The following RNF150 variants were observed in gnomAD, a reference collection of about 807,000 sequenced individuals.
RNF150 encodes ring finger protein 150.
In RNF150, 24 loss-of-function variants were observed where a neutral mutation model predicts 39.3. The observed-to-expected ratio is 0.61, with a 90% CI of 0.44 to 0.86. The LOEUF (loss-of-function observed/expected upper bound fraction) is 0.86. Among genes scored for constraint, RNF150 ranks in the 40% least tolerant of loss-of-function variants. RNF150 has a pLI of 0.00. For missense variants in RNF150, 502 were observed against 587.8 expected (o/e 0.85, Z 1.51); for synonymous variants, 255 against 227.3 (o/e 1.12, Z -1.10).
Position 140,925,635 on chromosome 4 carries a change from T to C in RNF150, c.987+342A>G, listed in dbSNP as rs187481549. Among the ~76,000 whole-genome samples, 130 of 152,254 alleles carry C rather than the reference T, an allele frequency of 8.5e-4. No individual in the cohort carries two copies. In the Middle Eastern group the frequency reaches 0.017, roughly 20 times the overall value. On this transcript the variant is annotated intron_variant, in intron 5 of 6. Transcript: ENST00000515673. ...GATGGCCAAACAAGGGTGATGATGA[T>C]GCAAGAGGTGCTCAGTGTGCAACTG...
At chr4:140,982,827 T>C (rs1733904183) in intron 1 of RNF150, among the ~76,000 whole-genome samples, 1 of 152,294 alleles carries the variant, frequency 6.6e-6, no homozygotes, top group South Asian at 2.1e-4. Flanking sequence ...CCAGCGGTGA[T>C]TCTGTCCTTG....
intron 1 of RNF150, among the ~76,000 whole-genome samples, chr4:141,169,443 GACAAAT>G (rs1315055435): frequency 6.6e-6 from 1 of 152,058 alleles, no homozygotes; most frequent in East Asian, 1.9e-4. Flanking sequence ...GCAGAGAACT[GACAAAT>G]ACAATCAATA....
At chr4:141,152,201 C>T (rs115951485) in intron 1 of RNF150, among the ~76,000 whole-genome samples, 11 of 152,286 alleles carry the variant, frequency 7.2e-5, no homozygotes, top group African/African-American at 2.2e-4. Context: ...GATTCATCAA[C>T]GGGTGAGATA....
Position 141,133,372 on chromosome 4 carries a change from G to A in RNF150, c.-564C>T. The A allele has an allele frequency of 6.0e-6, 1 of 167,992 alleles. No individual in the cohort carries two copies. The highest frequency in any genetic ancestry group is 1.2e-5 in the Non-Finnish European group (1 of 80,030). The allele number at this position is 167,992 out of a possible 1,614,324, so 10.4% of individuals were successfully genotyped here. ...TGCGCTCCTGATCTCGCCGGTGGCT[G>A]CGCCTGGGCACGCACTTGCCGCGGG... On this transcript the variant is annotated 5_prime_UTR_variant, in exon 1 of 7. Transcript: ENST00000515673.
At position 141,133,070 on chromosome 4, in the gene RNF150, C is replaced by T. The variant is rs1245538146; in HGVS notation, c.-262G>A. Reference sequence around the variant, plus strand: ...GCCCGGGGGGCGCGGGAACAGAGGGCCCGCGGGGCTTGCGGAGGAGTCCTG... The same window carrying T: ...GCCCGGGGGGCGCGGGAACAGAGGGTCCGCGGGGCTTGCGGAGGAGTCCTG... On this transcript the variant is annotated 5_prime_UTR_variant, in exon 1 of 7. Transcript: ENST00000515673. 1.0e-5 allele frequency: 4 copies of T among 400,080 alleles called. No homozygotes were observed. The highest frequency in any genetic ancestry group is 1.1e-4 in the East Asian group (2 of 17,554). 24.8% of individuals were successfully genotyped at this position (400,080 alleles called of 1,614,324 possible). A position where few individuals can be genotyped will look rare whatever the true frequency, so the allele number is the denominator to read the frequency against.
At chr4:140,886,358 T>C (rs1028506814) in intron 6 of RNF150, among the ~76,000 whole-genome samples, 6 of 152,082 alleles carry the variant, frequency 3.9e-5, no homozygotes, top group Admixed American at 1.3e-4. Context: ...GAGTGGGTAG[T>C]AGTGAAAAAC....
intron 1 of RNF150, among the ~76,000 whole-genome samples, chr4:141,128,935 T>C (rs1314329577): frequency 3.9e-5 from 6 of 152,224 alleles, no homozygotes; most frequent in East Asian, 1.9e-4. Context: ...CCACTTCACA[T>C]CCACTTGAAT....
At chr4:140,995,497 G>A (rs1307161932) in intron 1 of RNF150, among the ~76,000 whole-genome samples, 2 of 152,140 alleles carry the variant, frequency 1.3e-5, no homozygotes, top group Non-Finnish European at 2.9e-5. Flanking sequence ...GCCATAGAAA[G>A]CGGCAGTAAA....
rs551626394 is a variant in RNF150 at position 141,166,883 on chromosome 4, C to A, written c.-6+45911G>T. ...GATGCATTCCCTTTGAAAACTGGCACAAGACAAGGATGCCCTCTCTCACCA... is the reference window on the plus strand; with the variant it reads ...GATGCATTCCCTTTGAAAACTGGCAAAAGACAAGGATGCCCTCTCTCACCA... On this transcript the variant is annotated intron_variant, in intron 1 of 7. Coordinates refer to the RNF150 transcript ENST00000420921. 3.9e-5 allele frequency among the ~76,000 whole-genome samples: 6 copies of A among 152,196 alleles called. No individual in the cohort carries two copies. In the East Asian group the frequency reaches 1.2e-3, roughly 29 times the overall value.
intron 1 of RNF150, among the ~76,000 whole-genome samples, chr4:141,146,793 C>A (rs1320716997): frequency 6.6e-6 from 1 of 152,134 alleles, no homozygotes; most frequent in Non-Finnish European, 1.5e-5. Context: ...ACTTTGTTAT[C>A]TCCACTAAGA....
intron 1 of RNF150, among the ~76,000 whole-genome samples, chr4:141,154,743 A>G (rs1727355310): frequency 2.0e-5 from 3 of 152,228 alleles, no homozygotes; most frequent in Admixed American, 2.0e-4. Flanking sequence ...TGAGAAGGTA[A>G]GCTCTCAGGA....
chr4:141,161,699 G>A (rs2111158644), intron 1 of RNF150, among the ~76,000 whole-genome samples: 1 of 152,328 alleles, frequency 6.6e-6, no homozygotes, highest in South Asian at 2.1e-4. Flanking sequence ...ACAGCCTTAG[G>A]ACACTGTTCC....
At chr4:140,888,795 C>T (rs1391332839) in intron 6 of RNF150, among the ~76,000 whole-genome samples, 1 of 152,148 alleles carries the variant, frequency 6.6e-6, no homozygotes, top group Admixed American at 6.5e-5. Flanking sequence ...ATTCTCTCAA[C>T]CAAATAAGAT....
intron 1 of RNF150, among the ~76,000 whole-genome samples, chr4:141,062,626 G>T (rs1173615422): frequency 6.6e-6 from 1 of 152,008 alleles, no homozygotes; most frequent in Non-Finnish European, 1.5e-5. Flanking sequence ...GCAGGGATTT[G>T]TTCTTTTCTT....
intron 1 of RNF150, among the ~76,000 whole-genome samples, chr4:141,165,617 T>A (rs2111164419): frequency 6.6e-6 from 1 of 152,202 alleles, no homozygotes; most frequent in Admixed American, 6.5e-5. Flanking sequence ...CACAGGGCAA[T>A]CAAATTAAAA....
At chr4:141,156,914 T>A (rs890400444) in intron 1 of RNF150, among the ~76,000 whole-genome samples, 2 of 151,686 alleles carry the variant, frequency 1.3e-5, no homozygotes, top group African/African-American at 4.8e-5. Flanking sequence ...CAAAAAAAAA[T>A]TGATCATATG....
chr4:141,099,591 G>T (rs1560738295), intron 1 of RNF150, among the ~76,000 whole-genome samples: 2 of 152,066 alleles, frequency 1.3e-5, no homozygotes, highest in African/African-American at 4.8e-5. Flanking sequence ...GGAAAATTGG[G>T]CTCCTGGAAA....
intron 6 of RNF150, among the ~76,000 whole-genome samples, chr4:140,901,858 T>C (rs1477933597): frequency 6.6e-6 from 1 of 152,108 alleles, no homozygotes; most frequent in African/African-American, 2.4e-5. Flanking sequence ...GAAGGATACA[T>C]AGGATTTGGC....
intron 6 of RNF150, among the ~76,000 whole-genome samples, chr4:140,881,362 C>T (rs1253933740): frequency 6.6e-6 from 1 of 152,034 alleles, no homozygotes; most frequent in African/African-American, 2.4e-5. Flanking sequence ...TGAGGTTTCA[C>T]CATTTTGCCC....
Sources: gnomAD v4.1 joint callset for allele counts (sites outside exome capture counted in the v4.1 genomes callset) on GRCh38, gnomAD v4.1.1 for gene constraint, MANE v1.5 for transcripts, NCBI Gene and HGNC (gene_info 2026-07-23, HGNC 2026-07-21) for gene names.